The following ATP8B1 variants were observed in gnomAD, a reference collection of about 807,000 sequenced individuals.
ATP8B1 encodes the protein ATPase phospholipid transporting 8B1, also known as phospholipid-transporting ATPase IC.
ATP8B1 carries 80 observed loss-of-function variants against 149.9 expected under a neutral mutation model. The ratio of observed to expected loss-of-function variants is 0.53; its 90% CI spans 0.45 to 0.64. The LOEUF (loss-of-function observed/expected upper bound fraction) is 0.64, where lower values mean the gene tolerates loss of function less well. Among genes scored for constraint, ATP8B1 ranks in the 30% least tolerant of loss-of-function variants. ATP8B1 has a pLI of 0.00. For synonymous variants in ATP8B1, 536 were observed against 562.8 expected (o/e 0.95, Z 0.67); for missense variants, 1,247 against 1,552.6 (o/e 0.80, Z 3.31).
rs1242023040 is a variant in ATP8B1, at chr18:57,661,155, C to T, written c.2707+19G>A. 1 of 1,612,190 alleles carries T rather than the reference C, an allele frequency of 6.2e-7. No individual in the cohort carries two copies. Among genetic ancestry groups the T allele is most frequent in the Non-Finnish European group, 8.5e-7 (1 of 1,179,976 alleles). ...TCTCTAGCACGTTGGGCCTCACTGG[C>T]CGTGGGTGCATGACTCACTTTTGAT... On this transcript the variant is annotated intron_variant, in intron 22 of 27. Coordinates refer to ENST00000648908, the MANE Select transcript of ATP8B1 (RefSeq NM_001374385.1).
intron 15 of ATP8B1, among the ~76,000 whole-genome samples, chr18:57,683,353 T>C (rs958593210): frequency 6.6e-6 from 1 of 152,234 alleles, no homozygotes; most frequent in Non-Finnish European, 1.5e-5. Flanking sequence ...ATAAAGTGCA[T>C]GTGTGTCTAT....
At chr18:57,680,301 A>AAAAAAAAAAAAAAAAAAAAAAC (rs1911874145) in intron 15 of ATP8B1, among the ~76,000 whole-genome samples, 1 of 124,946 alleles carries the variant, frequency 8.0e-6, no homozygotes, top group Non-Finnish European at 1.7e-5. Flanking sequence ...AAAAAAAAAA[A>AAAAAAAAAAAAAAAAAAAAAAC]AGACTGGGTG....
chr18:57,680,309 G>T (rs1911876752), intron 15 of ATP8B1, among the ~76,000 whole-genome samples: 2 of 113,020 alleles, frequency 1.8e-5, no homozygotes, highest in South Asian at 5.8e-4. Flanking sequence ...AAAAGACTGG[G>T]TGTGGTGGCT....
intron 1 of ATP8B1, among the ~76,000 whole-genome samples, chr18:57,782,322 G>A (rs1433714605): frequency 2.6e-5 from 4 of 152,232 alleles, no homozygotes; most frequent in Non-Finnish European, 5.9e-5. Context: ...CGTTGCAGAC[G>A]CCAATCCAGC....
chr18:57,692,481 G>C (rs1912589004), intron 11 of ATP8B1, among the ~76,000 whole-genome samples: 2 of 135,318 alleles, frequency 1.5e-5, no homozygotes, highest in African/African-American at 5.7e-5. Context: ...TATCACCCAG[G>C]CTGGAGTGCA....
At chr18:57,683,622 C>T (rs1049569344) in intron 15 of ATP8B1, among the ~76,000 whole-genome samples, 1 of 152,136 alleles carries the variant, frequency 6.6e-6, no homozygotes, top group Non-Finnish European at 1.5e-5. Context: ...GAGCATATAT[C>T]TGAAATTATT....
At chr18:57,756,302 T>TATATATATATATATAC (rs2080081484) in intron 1 of ATP8B1, among the ~76,000 whole-genome samples, 1 of 110,838 alleles carries the variant, frequency 9.0e-6, no homozygotes, top group Non-Finnish European at 1.9e-5. Context: ...TGTGTGTATG[T>TATATATATATATATAC]ATATATATAT....
chr18:57,789,650 C>G (rs1167548470), intron 1 of ATP8B1, among the ~76,000 whole-genome samples: 1 of 152,188 alleles, frequency 6.6e-6, no homozygotes, highest in Non-Finnish European at 1.5e-5. Flanking sequence ...TTTCCCACAT[C>G]TGAGAACGTT....
At chr18:57,689,610 CATG>C (rs1002492206) in intron 12 of ATP8B1, among the ~76,000 whole-genome samples, 14 of 152,264 alleles carry the variant, frequency 9.2e-5, no homozygotes, top group African/African-American at 2.4e-4. Context: ...GTGCAGGGGA[CATG>C]TCTGTAAACA....
intron 1 of ATP8B1, among the ~76,000 whole-genome samples, chr18:57,781,439 A>T (rs112341042): frequency 7.3e-4 from 111 of 152,334 alleles, no homozygotes; most frequent in African/African-American, 2.5e-3. Context: ...ATTAGAAAAA[A>T]TATCCAAAAT....
intron 1 of ATP8B1, among the ~76,000 whole-genome samples, chr18:57,779,726 C>T (rs775639910): frequency 2.4e-4 from 37 of 151,930 alleles, no homozygotes; most frequent in East Asian, 1.5e-3. Context: ...GGTGAAACCC[C>T]GTCTCTACTA....
chr18:57,672,885 A>T (rs867911908), intron 16 of ATP8B1, among the ~76,000 whole-genome samples: 2 of 23,340 alleles, frequency 8.6e-5, no homozygotes, highest in South Asian at 1.7e-3. Flanking sequence ...AAAAAAAAAA[A>T]GTATATATAT....
rs767011725 is a variant in ATP8B1, at chr18:57,655,245, G to C, written c.2880C>G (p.Ala960=). 2 of 1,614,144 alleles carry C rather than the reference G, an allele frequency of 1.2e-6. No individual in the cohort carries two copies. Among genetic ancestry groups the C allele is most frequent in the Admixed American group, 1.7e-5 (1 of 60,006 alleles). The change falls in exon 23 of 28, where the codon GCC becomes GCG. Residue 960 remains alanine, a synonymous_variant. Coordinates refer to ENST00000648908, the MANE Select transcript of ATP8B1 (RefSeq NM_001374385.1). Reference sequence around the variant, plus strand: ...AGTACCAGAAATGAACCAAAGTAAAGGCAAAGTTTTTGTAAAAGAAGTATC... The same window carrying C: ...AGTACCAGAAATGAACCAAAGTAAACGCAAAGTTTTTGTAAAAGAAGTATC... The part of the protein sequence containing the change: ...FLRYFFYKNF[A]FTLVHFWYSF...
intron 1 of ATP8B1, among the ~76,000 whole-genome samples, chr18:57,768,262 C>T (rs1052837562): frequency 1.3e-5 from 2 of 151,520 alleles, no homozygotes; most frequent in Non-Finnish European, 2.9e-5. Flanking sequence ...TGGGGGGCAC[C>T]TGTAGTCCCA....
intron 11 of ATP8B1, among the ~76,000 whole-genome samples, chr18:57,693,940 G>T (rs190402692): frequency 1.8e-4 from 27 of 152,252 alleles, no homozygotes; most frequent in Admixed American, 1.8e-3. Context: ...GTTTGGTGGG[G>T]AGTGGGGGCA....
chr18:57,649,187 G>GCT (rs1306704505), intron 27 of ATP8B1, among the ~76,000 whole-genome samples: 45 of 40,094 alleles, frequency 1.1e-3, no homozygotes, highest in South Asian at 0.011. Context: ...ACAGTGCTTG[G>GCT]CTATATCTAT....
rs1568179600 is a variant in ATP8B1 at position 57,653,996 on chromosome 18, T to C, written c.3011A>G (p.Asp1004Gly). 1.2e-6 allele frequency: 2 copies of C among 1,613,450 alleles called. No homozygotes were observed. Among genetic ancestry groups the C allele is most frequent in the South Asian group, 2.2e-5 (2 of 91,052 alleles). Reference sequence around the variant, plus strand: ...CTGCTTGTGCGAGGCTCCTACCTGGTCGAGCAGCCCCATGAGGAGCACGGG... The same window carrying C: ...CTGCTTGTGCGAGGCTCCTACCTGGCCGAGCAGCCCCATGAGGAGCACGGG... ...SLPVLLMGLL[D>G]QDVSDKLSLR... The change falls in exon 24 of 28, where the codon GAC (aspartate) becomes GGC (glycine). Residue 1004 changes from aspartate (D) to glycine (G), a missense_variant. Physicochemically the swap from Asp to Gly is moderately conservative, Grantham distance 94. Transcript: ENST00000648908.
At chr18:57,755,453 C>A (rs995957990) in intron 1 of ATP8B1, 1 of 152,006 alleles carries the variant, frequency 6.6e-6, no homozygotes, top group Non-Finnish European at 1.5e-5. Context: ...ATTAGCATGG[C>A]CTTTGCACAA....
Position 57,648,682 on chromosome 18 carries a change from C to T in ATP8B1, c.3562G>A (p.Glu1188Lys). The T allele has an allele frequency of 6.4e-7, 1 of 1,561,862 alleles. No homozygotes were observed. The highest frequency in any genetic ancestry group is 2.4e-5 in the East Asian group (1 of 41,680). Residue 1188 changes from glutamate to lysine, a missense_variant, in exon 28 of 28, where the codon GAG (glutamate) becomes AAG (lysine). Coordinates refer to ENST00000648908, the MANE Select transcript of ATP8B1 (RefSeq NM_001374385.1). ...IQKHRKRLKA[E>K]EQWQRRQQVF... ...TGCTGCCGTCGCTGCCACTGCTCCT[C>T]CGCCTTCAACCGCTTGCGATGCTTC...
Sources: allele counts gnomAD v4.1 joint callset (sites outside exome capture counted in the v4.1 genomes callset), GRCh38; gene constraint gnomAD v4.1.1; transcripts MANE v1.5; gene names NCBI Gene and HGNC (gene_info 2026-07-23, HGNC 2026-07-21).